The following SLC24A3 variants were observed in gnomAD, a reference collection of about 807,000 sequenced individuals.
The protein encoded by SLC24A3 is sodium/potassium/calcium exchanger 3.
A neutral mutation model predicts 75.8 loss-of-function variants in SLC24A3; 28 were observed. The ratio of observed to expected loss-of-function variants is 0.37; its 90% CI spans 0.27 to 0.51. SLC24A3 has a LOEUF of 0.51. Among genes scored for constraint, SLC24A3 ranks in the 20% least tolerant of loss-of-function variants. SLC24A3 has a pLI of 0.94. For missense variants in SLC24A3, 663 were observed against 847.8 expected (o/e 0.78, Z 2.71); for synonymous variants, 372 against 334.1 (o/e 1.11, Z -1.24).
chr20:19,501,230 T>C (rs1461884359), intron 2 of SLC24A3, among the ~76,000 whole-genome samples: 2 of 152,186 alleles, frequency 1.3e-5, no homozygotes, highest in Non-Finnish European at 2.9e-5. Flanking sequence ...CTTTCCCTCC[T>C]TACTTGGAAC....
chr20:19,621,058 T>C (rs372110289), intron 6 of SLC24A3, among the ~76,000 whole-genome samples: 10 of 152,156 alleles, frequency 6.6e-5, no homozygotes, highest in South Asian at 4.1e-4. Context: ...TTAGTGGCCA[T>C]GGAGAGTTCA....
At chr20:19,567,023 G>A (rs1472730096) in intron 3 of SLC24A3, among the ~76,000 whole-genome samples, 1 of 152,218 alleles carries the variant, frequency 6.6e-6, no homozygotes, top group East Asian at 1.9e-4. Flanking sequence ...TGCTGACAAG[G>A]TTGAGGAGAA....
intron 1 of SLC24A3, among the ~76,000 whole-genome samples, chr20:19,247,453 T>A (rs912879814): frequency 2.0e-5 from 3 of 152,200 alleles, no homozygotes; most frequent in South Asian, 4.1e-4. Context: ...CTCAGAAAAC[T>A]CTTTTGGAGG....
intron 3 of SLC24A3, among the ~76,000 whole-genome samples, chr20:19,524,165 C>T (rs140088541): frequency 1.3e-5 from 2 of 152,330 alleles, no homozygotes; most frequent in East Asian, 3.9e-4. Context: ...AGATGCTCTT[C>T]CTGCCCTGAC....
chr20:19,669,847 G>A (rs970253403), intron 8 of SLC24A3, among the ~76,000 whole-genome samples: 67 of 152,092 alleles, frequency 4.4e-4, no homozygotes, highest in African/African-American at 1.3e-3. Flanking sequence ...AGAAGGAACC[G>A]TCTTTGGTGA....
At chr20:19,599,349 A>C (rs966407361) in intron 6 of SLC24A3, among the ~76,000 whole-genome samples, 25 of 152,196 alleles carry the variant, frequency 1.6e-4, no homozygotes, top group African/African-American at 5.5e-4. Context: ...CCTCCCGCGC[A>C]CCTGGCGGAC....
At chr20:19,591,786 C>T (rs929184677) in intron 6 of SLC24A3, among the ~76,000 whole-genome samples, 5 of 152,130 alleles carry the variant, frequency 3.3e-5, no homozygotes, top group African/African-American at 7.2e-5. Flanking sequence ...ACTTCCACCT[C>T]GAATACACAG....
intron 6 of SLC24A3, among the ~76,000 whole-genome samples, chr20:19,585,806 T>C (rs1273016136): frequency 6.6e-6 from 1 of 152,168 alleles, no homozygotes; most frequent in African/African-American, 2.4e-5. Flanking sequence ...CTGAAAGATG[T>C]GGGTTACAAT....
chr20:19,585,430 C>T lies in SLC24A3; in HGVS notation c.509-11C>T, dbSNP rs117126488. The T allele has an allele frequency of 5.1e-3, 8,197 of 1,613,314 alleles. 28 individuals are homozygous for T. The highest frequency in any genetic ancestry group is 6.2e-3 in the Non-Finnish European group (7,341 of 1,179,544). On this transcript the variant is annotated splice_polypyrimidine_tract_variant and intron_variant, in intron 5 of 16. Coordinates refer to ENST00000328041, the MANE Select transcript of SLC24A3 (RefSeq NM_020689.4). Reference sequence around the variant, plus strand: ...CACAACAGCCAGGCTGATGTGGGATCTGTGTTTCAGGGGTCTTCATCACCA... The same window carrying T: ...CACAACAGCCAGGCTGATGTGGGATTTGTGTTTCAGGGGTCTTCATCACCA...
At chr20:19,685,478 A>G in intron 12 of SLC24A3, 117 bp downstream of exon 12, 1 of 1,481,320 alleles carries the variant, frequency 6.8e-7, no homozygotes, top group Non-Finnish European at 9.1e-7. Flanking sequence ...TATGAACATG[A>G]GACTATGTAT....
intron 2 of SLC24A3, among the ~76,000 whole-genome samples, chr20:19,402,915 C>A (rs1986578405): frequency 6.6e-6 from 1 of 152,216 alleles, no homozygotes; most frequent in South Asian, 2.1e-4. Flanking sequence ...CCACTGGCCA[C>A]ACATGGCTCT....
At chr20:19,376,593 C>G (rs1169437403) in intron 2 of SLC24A3, among the ~76,000 whole-genome samples, 2 of 152,004 alleles carry the variant, frequency 1.3e-5, no homozygotes, top group African/African-American at 4.8e-5. Context: ...TTCCCAGAAC[C>G]AGAGTGTTCC....
chr20:19,675,662 C>T (rs1229490826), intron 9 of SLC24A3, among the ~76,000 whole-genome samples: 1 of 152,116 alleles, frequency 6.6e-6, no homozygotes, highest in Non-Finnish European at 1.5e-5. Flanking sequence ...ATCCTGGTAC[C>T]ATAAGGTAAC....
At chr20:19,296,286 T>A (rs866623715) in intron 2 of SLC24A3, among the ~76,000 whole-genome samples, 3 of 144,820 alleles carry the variant, frequency 2.1e-5, no homozygotes, top group South Asian at 2.2e-4. Flanking sequence ...TTTTTTTTTT[T>A]CAAAAAAAAA....
intron 6 of SLC24A3, among the ~76,000 whole-genome samples, chr20:19,621,368 C>T (rs945813409): frequency 4.6e-5 from 7 of 152,106 alleles, no homozygotes; most frequent in Non-Finnish European, 1.0e-4. Flanking sequence ...AGCCCTTAGA[C>T]CTAACTTCCT....
At chr20:19,452,910 G>A (rs571027094) in intron 2 of SLC24A3, among the ~76,000 whole-genome samples, 13 of 152,166 alleles carry the variant, frequency 8.5e-5, no homozygotes, top group Admixed American at 7.2e-4. Context: ...TGTACCAGGC[G>A]CGGTGGCTCA....
intron 3 of SLC24A3, among the ~76,000 whole-genome samples, chr20:19,556,576 GAAAAAAA>G (rs10591708): frequency 7.6e-6 from 1 of 131,026 alleles, no homozygotes; most frequent in Non-Finnish European, 1.6e-5. Flanking sequence ...GCCAGTGTGT[GAAAAAAA>G]AAAAAAAAAA....
At chr20:19,663,428 C>T (rs1312074890) in intron 7 of SLC24A3, among the ~76,000 whole-genome samples, 6 of 96,058 alleles carry the variant, frequency 6.2e-5, no homozygotes, top group African/African-American at 6.8e-5. Context: ...CCTCCTCCTC[C>T]TCCTCCGCCT....
intron 2 of SLC24A3, among the ~76,000 whole-genome samples, chr20:19,452,376 ATGTGTGTGTGTGTGTGTGTGTG>A (rs34840970): frequency 3.5e-5 from 4 of 112,998 alleles, no homozygotes; most frequent in African/African-American, 6.3e-5. Flanking sequence ...CCTGTGGGGG[ATGTGTGTGTGTGTGTGTGTGTG>A]TGTGTGTGTG....
Sources: gnomAD v4.1 joint callset for allele counts (sites outside exome capture counted in the v4.1 genomes callset) on GRCh38, gnomAD v4.1.1 for gene constraint, MANE v1.5 for transcripts, NCBI Gene and HGNC (gene_info 2026-07-23, HGNC 2026-07-21) for gene names.